The following APBB2 variants were observed in gnomAD, a reference collection of about 807,000 sequenced individuals.
APBB2 encodes amyloid beta precursor protein binding family B member 2, also known as Fe65-like 1.
Under a neutral mutation model 82.5 loss-of-function variants are expected in APBB2, and 38 were observed. That is an observed-to-expected ratio of 0.46 (90% confidence interval 0.36 to 0.60). The LOEUF (loss-of-function observed/expected upper bound fraction) is 0.60, where lower values mean the gene tolerates loss of function less well. Among genes scored for constraint, APBB2 ranks in the 20% least tolerant of loss-of-function variants. The pLI, the probability that APBB2 is intolerant of heterozygous loss-of-function variation, is 0.00. For missense variants in APBB2, 772 were observed against 972.3 expected (o/e 0.79, Z 2.74); for synonymous variants, 341 against 368.2 (o/e 0.93, Z 0.85).
chr4:41,056,768 G>A (rs959070337), intron 4 of APBB2, among the ~76,000 whole-genome samples: 9 of 152,178 alleles, frequency 5.9e-5, no homozygotes, highest in Non-Finnish European at 1.0e-4. Flanking sequence ...CCGCTTACTT[G>A]CTTAAACTGG....
rs74847771 is a variant in APBB2 at position 40,944,867 on chromosome 4, C to T, written c.1042G>A (p.Glu348Lys). The change falls in exon 7 of 18, where the codon GAG becomes AAG. Residue 348 changes from glutamate to lysine, a missense_variant and splice_region_variant. Physicochemically the swap from Glu to Lys is moderately conservative, Grantham distance 56. Transcript: ENST00000508593. ...SVTPSPTPEN[E>K]KQPWSDFAVL... The stretch of plus-strand genomic sequence containing the variant: ...GGTAAAAAGACACTCCGTTTTACCT[C>T]GTTCTCTGGGGTGGGAGATGGCGTT... 3.0e-4 allele frequency: 483 copies of T among 1,612,640 alleles called. 4 individuals are homozygous for T. The African/African-American group carries it at 5.6e-3, about 19-fold the overall frequency.
chr4:40,935,914 C>T (rs1376148406), intron 7 of APBB2, among the ~76,000 whole-genome samples: 7 of 152,178 alleles, frequency 4.6e-5, no homozygotes, highest in Non-Finnish European at 8.8e-5. Flanking sequence ...CTGCTCCATC[C>T]ACCTCAGACA....
intron 3 of APBB2, among the ~76,000 whole-genome samples, chr4:41,093,905 ACAGT>A (rs531629870): frequency 7.6e-4 from 115 of 152,172 alleles, no homozygotes; most frequent in African/African-American, 2.6e-3. Flanking sequence ...CCAAACCTAT[ACAGT>A]CAGTCTGACT....
At position 40,843,953 on chromosome 4, in the gene APBB2, G is replaced by A. The variant is rs116934778; in HGVS notation, c.1530-13376C>T. ...GTACTCCACCCTTCTACACAGTCCTGCAGAGCCCCCTAATGGTTTGTCTCC... is the reference window on the plus strand; with the variant it reads ...GTACTCCACCCTTCTACACAGTCCTACAGAGCCCCCTAATGGTTTGTCTCC... On this transcript the variant is annotated intron_variant, in intron 12 of 17. Coordinates refer to ENST00000508593, the MANE Select transcript of APBB2 (RefSeq NM_004307.2). Among the ~76,000 whole-genome samples, 27 of 152,288 alleles carry A rather than the reference G, an allele frequency of 1.8e-4. 1 individual carries two copies. The highest frequency in any genetic ancestry group is 5.8e-4 in the African/African-American group (24 of 41,554).
In APBB2 at chr4:40,811,123, C is replaced by T. The variant is rs917509709; in HGVS notation, c.*4969G>A. The T allele has an allele frequency of 1.3e-5, 2 of 152,204 alleles. No homozygotes were observed. Among genetic ancestry groups the T allele is most frequent in the Non-Finnish European group, 2.9e-5 (2 of 68,044 alleles). 9.4% of individuals were successfully genotyped at this position (152,204 alleles called of 1,614,324 possible). A position where few individuals can be genotyped will look rare whatever the true frequency, so the allele number is the denominator to read the frequency against. ...ATTATCTCCTAACATGCATTTGGCA[C>T]TAAATTATTTTTCTCTTTAGAAGTA... is the stretch of plus-strand genomic sequence containing the variant. On this transcript the variant is annotated 3_prime_UTR_variant, in exon 18 of 18. Transcript: ENST00000508593.
intron 10 of APBB2, among the ~76,000 whole-genome samples, chr4:40,927,313 G>A (rs1782862785): frequency 6.6e-6 from 1 of 152,132 alleles, no homozygotes; most frequent in Non-Finnish European, 1.5e-5. Flanking sequence ...CAGCAGGATG[G>A]AGCGGTCAGA....
At position 41,014,206 on chromosome 4, in the gene APBB2, G is replaced by A; in HGVS notation, c.212C>T (p.Ala71Val). 1.9e-6 allele frequency: 3 copies of A among 1,614,196 alleles called. No homozygotes were observed. The highest frequency in any genetic ancestry group is 1.6e-4 in the Middle Eastern group (1 of 6,062). ...CATGGCCGCCTGGATGTTAGTTAGT[G>A]CATATTTTTTCCTGCATTTGGGAGG... ...STPPKCRKKY[A>V]LTNIQAAMGL... Residue 71 changes from alanine (A) to valine (V), a missense_variant, in exon 6 of 18, where the codon GCA becomes GTA. Transcript: ENST00000508593.
rs771381811 is a variant in APBB2, at chr4:41,013,978, C to A, written c.440G>T (p.Ser147Ile). The stretch of plus-strand genomic sequence containing the variant: ...GGGCTGGGAGGGTAAAATCTCACAG[C>A]TCGAGGAATCCTGTGGGTGGGGCTC... ...GKEPHPQDSS[S>I]CEILPSQPRR... is the part of the protein sequence containing the mutation. Residue 147 changes from serine (S) to isoleucine (I), a missense_variant, in exon 6 of 18, where the codon AGC becomes ATC. Transcript: ENST00000508593. 6.8e-6 allele frequency: 11 copies of A among 1,614,066 alleles called. No individual in the cohort carries two copies. The highest frequency in any genetic ancestry group is 8.5e-6 in the Non-Finnish European group (10 of 1,180,038).
Position 40,945,025 on chromosome 4 carries a change from G to A in APBB2, c.884C>T (p.Pro295Leu). ...HSFQTDPDLP[P>L]GWKRVSDIAG... ...AATGTCACTGACTCTTTTCCAGCCA[G>A]GCGGCAAATCTGGATCAGTCTGAAA... Residue 295 changes from proline (P) to leucine (L), a missense_variant, in exon 7 of 18, where the codon CCT (proline) becomes CTT (leucine). Transcript: ENST00000508593. The A allele has an allele frequency of 6.2e-7, 1 of 1,610,568 alleles. No homozygotes were observed. Among genetic ancestry groups the A allele is most frequent in the African/African-American group, 1.3e-5 (1 of 74,454 alleles).
At chr4:41,032,536 C>T (rs906896880) in intron 5 of APBB2, among the ~76,000 whole-genome samples, 2 of 151,956 alleles carry the variant, frequency 1.3e-5, no homozygotes, top group African/African-American at 4.8e-5. Context: ...GCAAACTCTA[C>T]AAGCTATTAA....
intron 10 of APBB2, among the ~76,000 whole-genome samples, chr4:40,905,768 A>G (rs1776538922): frequency 1.3e-5 from 2 of 152,178 alleles, no homozygotes; most frequent in Admixed American, 6.6e-5. Context: ...TTCAGCATCT[A>G]CTTTATTGCT....
intron 4 of APBB2, among the ~76,000 whole-genome samples, chr4:41,058,436 G>C (rs1158793176): frequency 6.6e-6 from 1 of 152,150 alleles, no homozygotes; most frequent in African/African-American, 2.4e-5. Context: ...TTATGTACTA[G>C]GTATGTGAAA....
chr4:40,995,002 CTT>C (rs1803244742), intron 6 of APBB2, among the ~76,000 whole-genome samples: 1 of 151,814 alleles, frequency 6.6e-6, no homozygotes, highest in South Asian at 2.1e-4. Flanking sequence ...AAGAGGGACT[CTT>C]AGGCAATGCA....
Position 40,826,373 on chromosome 4 carries a change from G to GTTT in APBB2, c.1733-406_1733-404dup, listed in dbSNP as rs148222536. 1.4e-5 allele frequency among the ~76,000 whole-genome samples: 2 copies of GTTT among 146,066 alleles called. No homozygotes were observed. The highest frequency in any genetic ancestry group is 2.2e-4 in the South Asian group (1 of 4,552). ...TGAGTTCCCCCAGTAATCAACCCAC[G>GTTT]TTTTTTTTTTTTTAGAGACAAGAGT... On this transcript the variant is annotated intron_variant, in intron 14 of 17. Transcript: ENST00000508593. This position sits in a 1 kb window ranked among gnomAD's most constrained non-coding sequence, Gnocchi z 4.5.
At chr4:40,992,842 G>T (rs369745695) in intron 6 of APBB2, among the ~76,000 whole-genome samples, 1 of 152,146 alleles carries the variant, frequency 6.6e-6, no homozygotes, top group Non-Finnish European at 1.5e-5. Flanking sequence ...CCACAGGGCC[G>T]GATGGAGATA....
intron 6 of APBB2, among the ~76,000 whole-genome samples, chr4:40,981,387 AAAAAG>A (rs1798442382): frequency 7.9e-6 from 1 of 126,344 alleles, no homozygotes; most frequent in South Asian, 3.0e-4. Context: ...TCTCAAAAAA[AAAAAG>A]AGACAGAGCA....
intron 3 of APBB2, among the ~76,000 whole-genome samples, chr4:41,070,799 A>T (rs1175508231): frequency 1.8e-4 from 27 of 152,202 alleles, no homozygotes; most frequent in Admixed American, 1.8e-3. Context: ...TATCTCGGGA[A>T]GGAAATCAAC....
chr4:41,031,570 C>T (rs974489874), intron 5 of APBB2, among the ~76,000 whole-genome samples: 3 of 152,094 alleles, frequency 2.0e-5, no homozygotes, highest in African/African-American at 7.2e-5. Context: ...TGTTTGAGCA[C>T]CAGCATGAAG....
intron 6 of APBB2, among the ~76,000 whole-genome samples, chr4:41,006,966 T>C (rs965945711): frequency 4.6e-5 from 7 of 152,208 alleles, no homozygotes; most frequent in Non-Finnish European, 1.0e-4. Context: ...ATTAGGTTTG[T>C]GACTCTCGCT....
Sources: gnomAD v4.1 joint callset for allele counts (sites outside exome capture counted in the v4.1 genomes callset) on GRCh38, gnomAD v4.1.1 for gene constraint, Gnocchi (gnomAD v3.1) non-coding constraint, MANE v1.5 for transcripts, NCBI Gene and HGNC (gene_info 2026-07-23, HGNC 2026-07-21) for gene names.